PDE4D: variants seen among roughly 807,000 people sequenced by gnomAD.
PDE4D encodes the protein 3',5'-cyclic-AMP phosphodiesterase 4D.
Under a neutral mutation model 87.4 loss-of-function variants are expected in PDE4D, and 24 were observed. The observed-to-expected ratio is 0.27, with a 90% CI of 0.20 to 0.39. The LOEUF is 0.39. Among genes scored for constraint, PDE4D ranks in the 10% least tolerant of loss-of-function variants. The probability of loss-of-function intolerance (pLI) is 1.00; values close to 1 mark genes in which losing one functional copy is unlikely to be tolerated. For missense variants in PDE4D, 714 were observed against 1,041.0 expected (o/e 0.69, Z 4.32); for synonymous variants, 384 against 383.2 (o/e 1.00, Z -0.02).
chr5:60,099,550 C>T (rs1353985438), intron 2 of PDE4D, among the ~76,000 whole-genome samples: 1 of 151,644 alleles, frequency 6.6e-6, no homozygotes, highest in Non-Finnish European at 1.5e-5. Flanking sequence ...AAAGATTTGA[C>T]AGAAATCAAC....
intron 1 of PDE4D, among the ~76,000 whole-genome samples, chr5:59,478,356 A>T (rs1353592867): frequency 1.3e-5 from 2 of 152,092 alleles, no homozygotes; most frequent in Admixed American, 6.6e-5. Flanking sequence ...TTTGAGGTTT[A>T]TAACAACATT....
intron 5 of PDE4D, among the ~76,000 whole-genome samples, chr5:59,054,162 A>G (rs1182908751): frequency 2.0e-5 from 3 of 152,118 alleles, no homozygotes; most frequent in African/African-American, 7.2e-5. Context: ...ATCACCTTCA[A>G]GGCCACCGCT....
At chr5:60,449,371 T>C (rs1455420503) in intron 1 of PDE4D, among the ~76,000 whole-genome samples, 3 of 151,682 alleles carry the variant, frequency 2.0e-5, no homozygotes, top group African/African-American at 4.8e-5. Context: ...GAAATCATCA[T>C]TCTCAGTAAA....
intron 2 of PDE4D, among the ~76,000 whole-genome samples, chr5:60,126,679 T>G (rs1024245959): frequency 3.3e-5 from 5 of 152,176 alleles, no homozygotes; most frequent in Admixed American, 6.6e-5. Context: ...ATGAATATAT[T>G]TAAACACTAG....
chr5:59,733,077 T>C (rs1266386276), intron 1 of PDE4D, among the ~76,000 whole-genome samples: 1 of 152,114 alleles, frequency 6.6e-6, no homozygotes, highest in African/African-American at 2.4e-5. Context: ...GTTTGCAAAG[T>C]TTTCATGTGG....
At chr5:59,780,893 G>A (rs1000393903) in intron 1 of PDE4D, among the ~76,000 whole-genome samples, 3 of 152,126 alleles carry the variant, frequency 2.0e-5, no homozygotes, top group South Asian at 2.1e-4. Context: ...TGAGCTGAGC[G>A]CAGTGGCTCA....
At chr5:59,379,891 T>C (rs750368031) in intron 1 of PDE4D, among the ~76,000 whole-genome samples, 16 of 152,144 alleles carry the variant, frequency 1.1e-4, no homozygotes, top group Non-Finnish European at 1.5e-4. Context: ...CATGAGTATA[T>C]TGCGTGATGC....
intron 1 of PDE4D, among the ~76,000 whole-genome samples, chr5:59,581,889 T>C (rs1824226261): frequency 6.6e-6 from 1 of 152,160 alleles, no homozygotes; most frequent in Non-Finnish European, 1.5e-5. Context: ...TGGAAAATCT[T>C]TGCTACACTA....
At chr5:60,514,742 A>G (rs1240796081) in intron 1 of PDE4D, among the ~76,000 whole-genome samples, 1 of 152,086 alleles carries the variant, frequency 6.6e-6, no homozygotes, top group Non-Finnish European at 1.5e-5. Flanking sequence ...AAAATAACTC[A>G]ATATTGAAAT....
intron 1 of PDE4D, among the ~76,000 whole-genome samples, chr5:59,649,904 C>CTTTTTTTTTTTTT (rs1561402852): frequency 0.011 from 820 of 73,928 alleles, 148 homozygotes; most frequent in African/African-American, 0.018. Context: ...AGTTTGTGAA[C>CTTTTTTTTTTTTT]CTTTTTTTTT....
chr5:59,515,917 C>T (rs769438897), intron 1 of PDE4D, among the ~76,000 whole-genome samples: 1 of 152,142 alleles, frequency 6.6e-6, no homozygotes, highest in Non-Finnish European at 1.5e-5. Flanking sequence ...GTGGAAATAA[C>T]TAGTTAGCCA....
chr5:59,650,241 T>C (rs1452501356), intron 1 of PDE4D, among the ~76,000 whole-genome samples: 1 of 152,116 alleles, frequency 6.6e-6, no homozygotes, highest in Non-Finnish European at 1.5e-5. Flanking sequence ...GAGGGGTGGT[T>C]CAATTTAAAA....
At chr5:59,281,861 G>A (rs1332221434) in intron 1 of PDE4D, among the ~76,000 whole-genome samples, 1 of 152,172 alleles carries the variant, frequency 6.6e-6, no homozygotes, top group African/African-American at 2.4e-5. Flanking sequence ...TTATGGTCTA[G>A]ATGTCTCATT....
At chr5:58,994,839 C>T (rs767393762) in intron 6 of PDE4D, among the ~76,000 whole-genome samples, 5 of 151,878 alleles carry the variant, frequency 3.3e-5, no homozygotes, top group African/African-American at 1.2e-4. Context: ...AATGTGTATT[C>T]GCATGCCAGC....
intron 1 of PDE4D, among the ~76,000 whole-genome samples, chr5:59,625,404 C>G (rs1003184169): frequency 1.3e-5 from 2 of 151,928 alleles, no homozygotes; most frequent in African/African-American, 4.8e-5. Context: ...CAGATAAGAT[C>G]ACAGCTGGTT....
chr5:59,480,330 A>G (rs1429340484), intron 1 of PDE4D, among the ~76,000 whole-genome samples: 1 of 152,142 alleles, frequency 6.6e-6, no homozygotes, highest in Non-Finnish European at 1.5e-5. Flanking sequence ...CATGGAAAGT[A>G]TATATTTTTA....
chr5:59,276,735 T>G (rs1190917101), intron 1 of PDE4D, among the ~76,000 whole-genome samples: 1 of 152,122 alleles, frequency 6.6e-6, no homozygotes, highest in Admixed American at 6.6e-5. Flanking sequence ...TTCATTCATC[T>G]CTACACACAA....
intron 2 of PDE4D, among the ~76,000 whole-genome samples, chr5:60,139,827 T>C (rs1244044585): frequency 6.6e-6 from 1 of 152,066 alleles, no homozygotes; most frequent in African/African-American, 2.4e-5. Context: ...AGAATCCACA[T>C]TGAAATAATT....
intron 1 of PDE4D, among the ~76,000 whole-genome samples, chr5:59,792,180 C>T (rs1581130422): frequency 2.0e-5 from 3 of 151,958 alleles, no homozygotes; most frequent in Admixed American, 6.6e-5. Context: ...GGCACAGAAA[C>T]GGAACTAAGA....
Sources: allele counts gnomAD v4.1 joint callset (sites outside exome capture counted in the v4.1 genomes callset), GRCh38; gene constraint gnomAD v4.1.1; transcripts MANE v1.5; gene names NCBI Gene and HGNC (gene_info 2026-07-23, HGNC 2026-07-21).